CR2: variants seen among roughly 807,000 people sequenced by gnomAD.
CR2 encodes the protein complement receptor type 2.
CR2 carries 96 observed loss-of-function variants against 123.0 expected under a neutral mutation model. The observed-to-expected ratio is 0.78, with a 90% CI of 0.66 to 0.93. The LOEUF (loss-of-function observed/expected upper bound fraction) is 0.93, where lower values mean the gene tolerates loss of function less well. CR2 is among the 40% of genes least tolerant of loss of function. The probability of loss-of-function intolerance (pLI) is 0.00; values close to 1 mark genes in which losing one functional copy is unlikely to be tolerated. For missense variants in CR2, 1,258 were observed against 1,361.0 expected (o/e 0.92, Z 1.19); for synonymous variants, 484 against 469.5 (o/e 1.03, Z -0.40).
At chr1:207,457,210 A>G (rs1460490420) in intron 1 of CR2, among the ~76,000 whole-genome samples, 1 of 152,240 alleles carries the variant, frequency 6.6e-6, no homozygotes, top group African/African-American at 2.4e-5. Context: ...AATAGCCTGT[A>G]ATTTGGAATT....
At chr1:207,477,148 G>A (rs571580891) in intron 15 of CR2, among the ~76,000 whole-genome samples, 1 of 152,326 alleles carries the variant, frequency 6.6e-6, no homozygotes, top group East Asian at 1.9e-4. Context: ...CTGAAACTGG[G>A]TAATTTATAA....
At chr1:207,488,578 C>A (rs1658810684) in intron 19 of CR2, among the ~76,000 whole-genome samples, 1 of 152,172 alleles carries the variant, frequency 6.6e-6, no homozygotes, top group South Asian at 2.1e-4. Flanking sequence ...GAGCTGAGAT[C>A]ACGCCACTGC....
intron 1 of CR2, among the ~76,000 whole-genome samples, chr1:207,462,004 T>C (rs1407776591): frequency 6.6e-6 from 1 of 152,138 alleles, no homozygotes; most frequent in African/African-American, 2.4e-5. Context: ...CCTGTGATCT[T>C]TATGACTTTG....
At chr1:207,479,694 G>C (rs1658551363) in intron 17 of CR2, among the ~76,000 whole-genome samples, 1 of 152,140 alleles carries the variant, frequency 6.6e-6, no homozygotes. Context: ...TCAGTGACAA[G>C]ATTGTTACTA....
chr1:207,456,477 C>G (rs1277243880), intron 1 of CR2, among the ~76,000 whole-genome samples: 1 of 152,242 alleles, frequency 6.6e-6, no homozygotes, highest in Non-Finnish European at 1.5e-5. Flanking sequence ...GATTCTGCAA[C>G]AAGTATCTAT....
chr1:207,467,640 CTG>C (rs1437663835), intron 2 of CR2, among the ~76,000 whole-genome samples: 2 of 152,198 alleles, frequency 1.3e-5, no homozygotes, highest in African/African-American at 2.4e-5. Context: ...GCTGACAAAA[CTG>C]TTAAATTAGT....
chr1:207,486,091 C>T (rs1033066438), intron 19 of CR2, among the ~76,000 whole-genome samples: 2 of 151,698 alleles, frequency 1.3e-5, no homozygotes, highest in Non-Finnish European at 2.9e-5. Flanking sequence ...ATTAGCCAAG[C>T]GTGGTGGTGT....
intron 10 of CR2, 36 bp from the exon 11 acceptor site, chr1:207,473,509 T>C: frequency 6.3e-7 from 1 of 1,591,648 alleles, no homozygotes; most frequent in Non-Finnish European, 8.6e-7. Context: ...GAAATTCCTC[T>C]GTGTTGGTAT....
At chr1:207,474,420 G>A in intron 13 of CR2, 97 bp downstream of exon 13, 1 of 915,754 alleles carries the variant, frequency 1.1e-6, no homozygotes, top group Non-Finnish European at 1.8e-6. Context: ...GCAGTCTTAG[G>A]CGTCTCCCTC....
chr1:207,468,475 G>A, intron 2 of CR2, 52 bp from the exon 3 acceptor site: 13 of 1,582,674 alleles, frequency 8.2e-6, no homozygotes, highest in Non-Finnish European at 1.1e-5. Context: ...ATTCTAGATT[G>A]TGAAGGATGC....
In CR2 at chr1:207,473,807, G is replaced by T. The variant is rs776031319; in HGVS notation, c.2162G>T (p.Cys721Phe). 2 of 1,613,968 alleles carry T rather than the reference G, an allele frequency of 1.2e-6. No individual in the cohort carries two copies. The highest frequency in any genetic ancestry group is 1.7e-6 in the Non-Finnish European group (2 of 1,179,890). Residue 721 changes from cysteine (C) to phenylalanine (F), a missense_variant, in exon 12 of 20, where the codon TGC becomes TTC. Physicochemically the swap from Cys to Phe is radical, Grantham distance 205. Coordinates refer to ENST00000367057, the MANE Select transcript of CR2 (RefSeq NM_001006658.3). ...SPSAPRCEET[C>F]QHVRQSLQEL... ...TCCATCCTTGCTTCTCCAGAAACAT[G>T]CCAGCATGTGAGACAGAGTCTTCAA...
intron 4 of CR2, 76 bp from the exon 5 acceptor site, chr1:207,469,074 T>C (rs1271071062): frequency 7.1e-6 from 10 of 1,418,306 alleles, no homozygotes; most frequent in African/African-American, 1.4e-5. Flanking sequence ...TGAACTTGTC[T>C]TGAATTGTAA....
intron 1 of CR2, among the ~76,000 whole-genome samples, chr1:207,456,890 A>G (rs1657847018): frequency 6.6e-6 from 1 of 152,058 alleles, no homozygotes; most frequent in African/African-American, 2.4e-5. Flanking sequence ...CCTTCTCTTT[A>G]TTCTTTGAGC....
intron 15 of CR2, among the ~76,000 whole-genome samples, chr1:207,477,003 T>C (rs959071638): frequency 6.6e-5 from 10 of 152,232 alleles, no homozygotes; most frequent in Admixed American, 5.9e-4. Flanking sequence ...ATCCCTGTTT[T>C]ATAGATGAGG....
At chr1:207,468,388 C>A (rs550550966) in intron 2 of CR2, 139 bp from the exon 3 acceptor site, 16 of 757,392 alleles carry the variant, frequency 2.1e-5, no homozygotes. Context: ...TTAGTGTTAG[C>A]GTATATTATG....
intron 9 of CR2, 64 bp from the exon 10 acceptor site, chr1:207,472,708 G>C (rs940752584): frequency 1.3e-6 from 2 of 1,534,030 alleles, no homozygotes; most frequent in African/African-American, 2.7e-5. Context: ...TTCATTTGGT[G>C]GTTCTTTGTT....
At chr1:207,483,194 T>C (rs1453488190) in intron 18 of CR2, among the ~76,000 whole-genome samples, 1 of 152,144 alleles carries the variant, frequency 6.6e-6, no homozygotes, top group Non-Finnish European at 1.5e-5. Flanking sequence ...ACCTAAAACA[T>C]GTCACCAAAA....
intron 6 of CR2, 52 bp downstream of exon 6, chr1:207,470,154 TAGA>T (rs1214909317): frequency 1.2e-6 from 2 of 1,606,292 alleles, no homozygotes; most frequent in Non-Finnish European, 1.7e-6. Context: ...TCTGAAAAAT[TAGA>T]AGAAGGGGTT....
intron 1 of CR2, among the ~76,000 whole-genome samples, chr1:207,463,998 A>G (rs1282705395): frequency 2.6e-5 from 4 of 152,088 alleles, no homozygotes; most frequent in Non-Finnish European, 5.9e-5. Context: ...CCCCAATCCT[A>G]CCACACGTTC....
Sources: allele counts gnomAD v4.1 joint callset (sites outside exome capture counted in the v4.1 genomes callset), GRCh38; gene constraint gnomAD v4.1.1; transcripts MANE v1.5; gene names NCBI Gene and HGNC (gene_info 2026-07-23, HGNC 2026-07-21).